Variants in SRPK2 observed in about 807,000 individuals in gnomAD.
SRPK2 encodes the protein SRSF protein kinase 2.
Under a neutral mutation model 90.8 loss-of-function variants are expected in SRPK2, and 21 were observed. The observed-to-expected ratio is 0.23, with a 90% CI of 0.16 to 0.33. The LOEUF is 0.33. SRPK2 is among the 10% of genes least tolerant of loss of function. SRPK2 has a pLI of 1.00. For synonymous variants in SRPK2, 288 were observed against 311.1 expected (o/e 0.93, Z 0.78); for missense variants, 620 against 869.0 (o/e 0.71, Z 3.60).
At chr7:105,336,841 T>C in intron 2 of SRPK2, among the ~76,000 whole-genome samples, 1 of 152,196 alleles carries the variant, frequency 6.6e-6, no homozygotes, top group East Asian at 1.9e-4. Flanking sequence ...CTCGCTCTGT[T>C]GCCCAGGCTG....
intron 3 of SRPK2, among the ~76,000 whole-genome samples, chr7:105,200,808 G>C (rs1335715616): frequency 1.1e-4 from 17 of 152,292 alleles, no homozygotes; most frequent in Admixed American, 1.1e-3. Context: ...AAAACACTGA[G>C]AACTGTTCCA....
chr7:105,355,346 T>A lies in SRPK2; in HGVS notation c.71+33302A>T, dbSNP rs989900811. 1.6e-3 allele frequency among the ~76,000 whole-genome samples: 224 copies of A among 143,930 alleles called. 1 individual carries two copies. The East Asian group carries it at 0.036, about 23-fold the overall frequency. The allele number at this position is 143,930 out of a possible 152,430, so 94.4% of individuals were successfully genotyped here. On this transcript the variant is annotated intron_variant, in intron 2 of 15. Transcript: ENST00000393651. ...CCTCATCTCTACGAAAAAAAAAAAA[T>A]TTTTTTTTCATTAGCAAGCAAGGCA...
At chr7:105,184,635 C>T (rs1793338492) in intron 3 of SRPK2, among the ~76,000 whole-genome samples, 2 of 152,260 alleles carry the variant, frequency 1.3e-5, no homozygotes, top group South Asian at 4.1e-4. Context: ...AACAATATTC[C>T]CTCAGTGCTT....
intron 2 of SRPK2, among the ~76,000 whole-genome samples, chr7:105,226,665 G>C (rs1249352018): frequency 6.6e-6 from 1 of 152,088 alleles, no homozygotes; most frequent in Non-Finnish European, 1.5e-5. Flanking sequence ...TTTTTCAAGT[G>C]CAGGATTAAA....
At chr7:105,303,731 A>G (rs187036976) in intron 2 of SRPK2, among the ~76,000 whole-genome samples, 1 of 152,296 alleles carries the variant, frequency 6.6e-6, no homozygotes, top group East Asian at 1.9e-4. Context: ...CATCTTTCGT[A>G]AACCTGTTTC....
At chr7:105,243,740 C>CA (rs781172281) in intron 2 of SRPK2, among the ~76,000 whole-genome samples, 4 of 149,936 alleles carry the variant, frequency 2.7e-5, no homozygotes, top group South Asian at 2.1e-4. Flanking sequence ...TGCAGCAAGA[C>CA]AAAAAAAAAT....
At chr7:105,133,868 A>G (rs1584902977) in intron 11 of SRPK2, among the ~76,000 whole-genome samples, 1 of 152,140 alleles carries the variant, frequency 6.6e-6, no homozygotes, top group East Asian at 1.9e-4. Flanking sequence ...AGGCAGGTAT[A>G]GGGCCAGCTT....
chr7:105,141,911 G>C, intron 11 of SRPK2, 97 bp downstream of exon 11: 2 of 1,393,612 alleles, frequency 1.4e-6, no homozygotes, highest in South Asian at 1.4e-5. Flanking sequence ...CACACACACA[G>C]GGCTTGGCCA....
chr7:105,324,713 C>CAA (rs1813364400), intron 2 of SRPK2, among the ~76,000 whole-genome samples: 1 of 152,000 alleles, frequency 6.6e-6, no homozygotes, highest in East Asian at 1.9e-4. Flanking sequence ...ATGGCAAAAC[C>CAA]CCGTCTCTAC....
At chr7:105,317,862 C>T (rs1458688267) in intron 2 of SRPK2, among the ~76,000 whole-genome samples, 6 of 152,250 alleles carry the variant, frequency 3.9e-5, no homozygotes, top group East Asian at 3.9e-4. Context: ...GATCCTCCCA[C>T]CTCAGCCTCA....
intron 7 of SRPK2, among the ~76,000 whole-genome samples, chr7:105,154,962 C>T (rs2237607): frequency 0.71 from 108,271 of 151,532 alleles, 41,736 homozygotes; most frequent in Non-Finnish European, 0.87. Context: ...TGTGAGCCAC[C>T]GCACCTGGCC....
chr7:105,349,150 G>A (rs1351354445), intron 2 of SRPK2, among the ~76,000 whole-genome samples: 62 of 101,176 alleles, frequency 6.1e-4, no homozygotes, highest in African/African-American at 2.4e-3. Context: ...TGTAGAAAGA[G>A]AGAAAGAAAG....
chr7:105,311,856 T>A (rs567039418), intron 2 of SRPK2, among the ~76,000 whole-genome samples: 1 of 152,300 alleles, frequency 6.6e-6, no homozygotes, highest in South Asian at 2.1e-4. Context: ...GCAATTATAT[T>A]CCTAGGTTTA....
chr7:105,277,864 A>G (rs1806724960), intron 2 of SRPK2, among the ~76,000 whole-genome samples: 1 of 152,240 alleles, frequency 6.6e-6, no homozygotes, highest in African/African-American at 2.4e-5. Context: ...AAAATCTGCA[A>G]AGGATGAAAA....
intron 6 of SRPK2, 141 bp downstream of exon 6, chr7:105,167,236 G>A (rs984961650): frequency 1.7e-6 from 1 of 573,568 alleles, no homozygotes; most frequent in Admixed American, 3.2e-5. Context: ...TATTCTAGGT[G>A]GACCACTTCA....
At chr7:105,338,212 T>C (rs993363499) in intron 2 of SRPK2, among the ~76,000 whole-genome samples, 2 of 152,206 alleles carry the variant, frequency 1.3e-5, no homozygotes, top group Admixed American at 6.5e-5. Context: ...TTACCATCTT[T>C]AAATAAATTT....
chr7:105,249,901 A>G (rs1238689539), intron 2 of SRPK2, among the ~76,000 whole-genome samples: 1 of 152,260 alleles, frequency 6.6e-6, no homozygotes, highest in Non-Finnish European at 1.5e-5. Context: ...CTAATAATCT[A>G]TTCTTACGCA....
intron 2 of SRPK2, among the ~76,000 whole-genome samples, chr7:105,242,497 C>T (rs978210486): frequency 2.0e-5 from 3 of 151,976 alleles, no homozygotes; most frequent in East Asian, 1.9e-4. Flanking sequence ...GGCAAAAGGG[C>T]GAGGTTCCAT....
intron 2 of SRPK2, among the ~76,000 whole-genome samples, chr7:105,238,558 C>A (rs1800412606): frequency 1.3e-5 from 2 of 152,190 alleles, no homozygotes; most frequent in Admixed American, 1.3e-4. Context: ...AAGGCTGATC[C>A]AGTGGTTTGC....
Sources: allele counts gnomAD v4.1 joint callset (sites outside exome capture counted in the v4.1 genomes callset), GRCh38; gene constraint gnomAD v4.1.1; transcripts MANE v1.5; gene names NCBI Gene and HGNC (gene_info 2026-07-23, HGNC 2026-07-21).